Variants in ARFGEF1 observed in about 807,000 individuals in gnomAD.
The protein encoded by ARFGEF1 is brefeldin A-inhibited guanine nucleotide-exchange protein 1.
A neutral mutation model predicts 231.0 loss-of-function variants in ARFGEF1; 42 were observed. The ratio of observed to expected loss-of-function variants is 0.18; its 90% CI spans 0.14 to 0.24. The LOEUF is 0.24. Among genes scored for constraint, ARFGEF1 ranks in the 10% least tolerant of loss-of-function variants. The probability of loss-of-function intolerance (pLI) is 1.00; values close to 1 mark genes in which losing one functional copy is unlikely to be tolerated. For synonymous variants in ARFGEF1, 710 were observed against 732.3 expected (o/e 0.97, Z 0.49); for missense variants, 1,345 against 2,192.0 (o/e 0.61, Z 7.72).
chr8:67,255,122 T>C (rs914788387), intron 17 of ARFGEF1, among the ~76,000 whole-genome samples: 2 of 152,232 alleles, frequency 1.3e-5, no homozygotes, highest in Non-Finnish European at 2.9e-5. Context: ...TAGCAGTTAA[T>C]TGCCTGTGGA....
At chr8:67,208,669 T>A (rs963052362) in intron 34 of ARFGEF1, among the ~76,000 whole-genome samples, 16 of 146,004 alleles carry the variant, frequency 1.1e-4, no homozygotes, top group African/African-American at 4.1e-4. Flanking sequence ...AAACACTTCA[T>A]AGAAGACAAC....
downstream of ARFGEF1, among the ~76,000 whole-genome samples, chr8:67,194,591 G>T (rs1837353069): frequency 6.6e-6 from 1 of 151,728 alleles, no homozygotes; most frequent in South Asian, 2.1e-4. Context: ...GGTTTTTAAT[G>T]TCTACACTGT....
chr8:67,294,242 A>G (rs2128911046), intron 5 of ARFGEF1, among the ~76,000 whole-genome samples: 1 of 152,314 alleles, frequency 6.6e-6, no homozygotes, highest in South Asian at 2.1e-4. Context: ...AGATTTTGGT[A>G]TCCATGGGAG....
At chr8:67,315,212 T>C (rs181666295) in intron 1 of ARFGEF1, among the ~76,000 whole-genome samples, 2 of 152,096 alleles carry the variant, frequency 1.3e-5, no homozygotes, top group African/African-American at 4.8e-5. Context: ...CAAGAATACA[T>C]AGTAATCCTA....
At chr8:67,256,013 CATTT>C (rs890693506) in intron 17 of ARFGEF1, among the ~76,000 whole-genome samples, 4 of 152,196 alleles carry the variant, frequency 2.6e-5, no homozygotes, top group African/African-American at 9.7e-5. Flanking sequence ...ATTGCTTATT[CATTT>C]AGAGAACCAA....
At chr8:67,229,186 C>T (rs6988547) in intron 23 of ARFGEF1, among the ~76,000 whole-genome samples, 3,802 of 152,088 alleles carry the variant, frequency 0.025, 108 homozygotes, top group South Asian at 0.047. Flanking sequence ...TTTATAAACA[C>T]AGAAACTGAG....
chr8:67,270,713 T>C (rs1236935868), intron 10 of ARFGEF1, among the ~76,000 whole-genome samples: 1 of 96,676 alleles, frequency 1.0e-5, no homozygotes, highest in Non-Finnish European at 1.9e-5. Context: ...CTGGTACACC[T>C]TAAAAAAAAA....
At chr8:67,202,999 ACAGT>A (rs1838388023) in intron 36 of ARFGEF1, 80 bp downstream of exon 36, 4 of 1,383,080 alleles carry the variant, frequency 2.9e-6, no homozygotes, top group Admixed American at 2.1e-5. Context: ...CCTATAGCAG[ACAGT>A]CAATGAGTTC....
intron 38 of ARFGEF1, 35 bp downstream of exon 38, chr8:67,200,361 G>C (rs1445118980): frequency 5.5e-6 from 8 of 1,450,138 alleles, no homozygotes; most frequent in Non-Finnish European, 7.8e-6. Context: ...AATTGGGCTA[G>C]AAATGTGGGG....
intron 1 of ARFGEF1, among the ~76,000 whole-genome samples, chr8:67,319,689 A>G (rs867526966): frequency 7.2e-5 from 11 of 152,210 alleles, no homozygotes; most frequent in Non-Finnish European, 1.5e-4. Flanking sequence ...ACATAAAAGA[A>G]AAAATAAAAT....
At chr8:67,343,020 CAG>C in intron 1 of ARFGEF1, 142 bp downstream of exon 1, 1 of 958,690 alleles carries the variant, frequency 1.0e-6, no homozygotes, top group East Asian at 2.7e-5. Context: ...CAACTCCAGA[CAG>C]GGAACAGAGG....
intron 19 of ARFGEF1, among the ~76,000 whole-genome samples, chr8:67,242,667 A>C (rs1304517647): frequency 6.6e-6 from 1 of 152,172 alleles, no homozygotes; most frequent in Non-Finnish European, 1.5e-5. Flanking sequence ...TTTGTCTTGC[A>C]CTTTAGGTAC....
At chr8:67,193,550 TGAG>T (rs1479753560), downstream of ARFGEF1, 8 of 1,613,856 alleles carry the variant, frequency 5.0e-6, no homozygotes, top group South Asian at 8.8e-5. Context: ...GAGTGAGAAA[TGAG>T]GAACGAATGC....
In ARFGEF1 at chr8:67,287,948, ATAC is replaced by A; in HGVS notation, c.1027+4_1027+6del. 1 of 1,565,402 alleles carries A rather than the reference ATAC, an allele frequency of 6.4e-7. No homozygotes were observed. On this transcript the variant is annotated splice_donor_5th_base_variant and intron_variant, in intron 7 of 38. Coordinates refer to ENST00000262215, the MANE Select transcript of ARFGEF1 (RefSeq NM_006421.5). ...AGAGTAAAATAATTTTGAATGAAGT[ATAC>A]TACCTCCAACAACAATGTTCACCAT...
chr8:67,191,097 T>C (rs912939632), intron 5 of ARFGEF1, among the ~76,000 whole-genome samples: 2 of 152,176 alleles, frequency 1.3e-5, no homozygotes, highest in Non-Finnish European at 2.9e-5. Flanking sequence ...ATAACCTAAT[T>C]CTGTGATATA....
rs1440764608 is a variant in ARFGEF1 at position 67,217,783 on chromosome 8, C to T, written c.4612G>A (p.Ala1538Thr). 1.9e-6 allele frequency: 3 copies of T among 1,613,234 alleles called. No homozygotes were observed. Among genetic ancestry groups the T allele is most frequent in the Non-Finnish European group, 2.5e-6 (3 of 1,179,688 alleles). ...TAAAGTTGTATAAAATCTTCTTACG[C>T]ATGTGGGATTGTGGTTTTGAAGATA... ...LDIFKTTIPH[A>T]LLTWRPNSGE... Residue 1538 changes from alanine to threonine, a missense_variant and splice_region_variant, in exon 32 of 39, where the codon GCG (alanine) becomes ACG (threonine). This residue lies in a region of ARFGEF1 where 54 missense variants were observed against 86.5 expected (regional missense o/e 0.62). Transcript: ENST00000262215.
Position 67,266,080 on chromosome 8 carries a change from C to T in ARFGEF1, c.2049G>A (p.Met683Ile). The change falls in exon 14 of 39, where the codon ATG becomes ATA. Residue 683 changes from methionine to isoleucine, a missense_variant. Transcript: ENST00000262215. ...ATTGTTCTGGATTATCAGTGCCAGACATCTGTGTACTGTAGCTGCCTATTC... is the reference window on the plus strand; with the variant it reads ...ATTGTTCTGGATTATCAGTGCCAGATATCTGTGTACTGTAGCTGCCTATTC... ...SSGIGSYSTQ[M>I]SGTDNPEQFE... 6.2e-7 allele frequency: 1 copy of T among 1,613,918 alleles called. No homozygotes were observed. Among genetic ancestry groups the T allele is most frequent in the Non-Finnish European group, 8.5e-7 (1 of 1,179,896 alleles).
intron 5 of ARFGEF1, among the ~76,000 whole-genome samples, chr8:67,184,569 A>G (rs1168868607): frequency 6.6e-6 from 1 of 151,220 alleles, no homozygotes; most frequent in Non-Finnish European, 1.5e-5. Context: ...TACTAAAAAT[A>G]TAAAGATTAG....
chr8:67,243,876 T>A (rs1032175800), intron 19 of ARFGEF1, among the ~76,000 whole-genome samples: 16 of 152,046 alleles, frequency 1.1e-4, no homozygotes, highest in African/African-American at 3.9e-4. Context: ...ACAGAAGAAA[T>A]TCAGAATTCC....
Sources: gnomAD v4.1 joint callset for allele counts (sites outside exome capture counted in the v4.1 genomes callset) on GRCh38, gnomAD v4.1.1 for gene constraint, gnomAD v4.1.1 regional missense constraint, MANE v1.5 for transcripts, NCBI Gene and HGNC (gene_info 2026-07-23, HGNC 2026-07-21) for gene names.